The following C10orf143 variants were observed in gnomAD, a reference collection of about 807,000 sequenced individuals.
C10orf143 encodes uncharacterized protein C10orf143.
At chr10:130,107,576 G>A in intron 1 of C10orf143, 1 of 1,347,460 alleles carries the variant, frequency 7.4e-7, no homozygotes, top group South Asian at 1.2e-5. Context: ...TACAGCATTT[G>A]GCAGAGAGCA....
intron 1 of C10orf143, among the ~76,000 whole-genome samples, chr10:130,101,864 CCAAA>C (rs1861559491): frequency 4.1e-5 from 1 of 24,186 alleles, no homozygotes; most frequent in African/African-American, 1.7e-4. Flanking sequence ...AAAAAAAAAA[CCAAA>C]AAAAAAAAAA....
intron 1 of C10orf143, among the ~76,000 whole-genome samples, chr10:130,102,618 A>G (rs1554950126): frequency 6.6e-6 from 1 of 152,166 alleles, no homozygotes; most frequent in Admixed American, 6.5e-5. Context: ...TTTTCTTCAT[A>G]TATCTATCAA....
At chr10:130,038,013 T>A (rs1860564699) in intron 3 of C10orf143, among the ~76,000 whole-genome samples, 1 of 152,230 alleles carries the variant, frequency 6.6e-6, no homozygotes, top group Non-Finnish European at 1.5e-5. Context: ...AGAGACCGTC[T>A]GGAGAGGGGC....
chr10:130,074,624 A>C (rs191370995), intron 3 of C10orf143, among the ~76,000 whole-genome samples: 26 of 152,322 alleles, frequency 1.7e-4, no homozygotes, highest in African/African-American at 5.8e-4. Context: ...AGAGGAGGGC[A>C]GAGATCACTG....
In C10orf143 at chr10:130,050,026, C is replaced by T. The variant is rs538558871; in HGVS notation, c.298-14056G>A. 1.4e-4 allele frequency among the ~76,000 whole-genome samples: 22 copies of T among 152,282 alleles called. No individual in the cohort carries two copies. The South Asian group carries it at 3.9e-3, about 27-fold the overall frequency. ...CAAGTGTTCTGTGTTTTCAGGGCCT[C>T]GACAGTGTGCATGGATAGCTTTTAT... On this transcript the variant is annotated intron_variant and NMD_transcript_variant, in intron 3 of 5. Coordinates refer to the C10orf143 transcript ENST00000643056.
intron 1 of C10orf143, among the ~76,000 whole-genome samples, chr10:130,081,464 C>T (rs1861206913): frequency 6.6e-6 from 1 of 152,038 alleles, no homozygotes; most frequent in Non-Finnish European, 1.5e-5. Flanking sequence ...CATAATCAAC[C>T]AAGGTTGACC....
chr10:130,095,607 G>A (rs1861450154), intron 1 of C10orf143, among the ~76,000 whole-genome samples: 1 of 152,102 alleles, frequency 6.6e-6, no homozygotes, highest in African/African-American at 2.4e-5. Context: ...CAGACCAATG[G>A]AACAGAACAG....
At chr10:130,045,584 C>T (rs2134726567) in intron 3 of C10orf143, among the ~76,000 whole-genome samples, 1 of 152,298 alleles carries the variant, frequency 6.6e-6, no homozygotes, top group Admixed American at 6.5e-5. Flanking sequence ...ACCTTCGTTC[C>T]GGGAACGTTT....
intron 1 of C10orf143, among the ~76,000 whole-genome samples, chr10:130,085,992 C>T (rs1861285478): frequency 6.6e-6 from 1 of 152,208 alleles, no homozygotes; most frequent in African/African-American, 2.4e-5. Context: ...CCAAATATCC[C>T]TAGTCTCTCT....
At chr10:130,077,043 G>A (rs1188073004) in intron 3 of C10orf143, among the ~76,000 whole-genome samples, 2 of 152,030 alleles carry the variant, frequency 1.3e-5, no homozygotes, top group Non-Finnish European at 2.9e-5. Context: ...ACGAGGTGAC[G>A]GTCCTAAATA....
intron 1 of C10orf143, chr10:130,106,599 C>T: frequency 6.7e-7 from 1 of 1,492,078 alleles, no homozygotes; most frequent in Non-Finnish European, 9.3e-7. Flanking sequence ...TCCCTCAAAT[C>T]ACAAGTAGCT....
intron 3 of C10orf143, 146 bp from the exon 4 acceptor site, chr10:130,064,529 T>C (rs192701214): frequency 0.017 from 6,430 of 377,846 alleles, 141 homozygotes; most frequent in Non-Finnish European, 0.019. Flanking sequence ...GGTATCTGTT[T>C]ATAGATATAT....
intron 1 of C10orf143, chr10:130,107,282 T>C (rs369392243): frequency 1.7e-6 from 2 of 1,154,224 alleles, no homozygotes; most frequent in East Asian, 2.3e-5. Context: ...AGAGAAACTT[T>C]CTAAGGTAGA....
intron 1 of C10orf143, among the ~76,000 whole-genome samples, chr10:130,084,667 CACACACAT>C (rs1036302727): frequency 2.3e-4 from 35 of 152,166 alleles, no homozygotes; most frequent in Admixed American, 3.9e-4. Flanking sequence ...CACACACACA[CACACACAT>C]ACATATATAT....
chr10:130,077,762 T>C (rs1861142064), intron 3 of C10orf143, among the ~76,000 whole-genome samples: 1 of 152,262 alleles, frequency 6.6e-6, no homozygotes, highest in Non-Finnish European at 1.5e-5. Context: ...TAGTGTCTTA[T>C]TATTTTAAAA....
In C10orf143 at chr10:130,106,208, G is replaced by A. The variant is rs770651938; in HGVS notation, c.69+4496C>T. The stretch of plus-strand genomic sequence containing the variant: ...TGCAGCTGTTGCTGCATTTTTTGCT[G>A]TTCTCCTTTTTCTGTGGAGAAGTTT... On this transcript the variant is annotated intron_variant, in intron 1 of 3. Transcript: ENST00000637128. 11 of 1,171,024 alleles carry A rather than the reference G, an allele frequency of 9.4e-6. No individual in the cohort carries two copies. In the South Asian group the frequency reaches 1.2e-4, roughly 13 times the overall value. The allele number at this position is 1,171,024 out of a possible 1,614,324, so 72.5% of individuals were successfully genotyped here.
In C10orf143 at chr10:130,064,195, G is replaced by C; in HGVS notation, c.*159C>G. The C allele has an allele frequency of 2.5e-6, 1 of 392,580 alleles. No individual in the cohort carries two copies. Among genetic ancestry groups the C allele is most frequent in the Non-Finnish European group, 4.5e-6 (1 of 222,888 alleles). 24.3% of individuals were successfully genotyped at this position (392,580 alleles called of 1,614,324 possible). ...CGTGCAGAGGATGGTGGATTTACTA[G>C]AATGAAAGGACAGACAAACCTCCCC... On this transcript the variant is annotated 3_prime_UTR_variant, in exon 4 of 4. Coordinates refer to ENST00000637128, the MANE Select transcript of C10orf143 (RefSeq NM_001355042.2).
At chr10:130,074,744 G>A (rs1222375094) in intron 3 of C10orf143, among the ~76,000 whole-genome samples, 2 of 152,086 alleles carry the variant, frequency 1.3e-5, no homozygotes, top group African/African-American at 4.8e-5. Flanking sequence ...ATACTTTAAA[G>A]GTAACCCATT....
intron 3 of C10orf143, among the ~76,000 whole-genome samples, chr10:130,076,874 T>C (rs1207475861): frequency 6.6e-6 from 1 of 152,140 alleles, no homozygotes; most frequent in Non-Finnish European, 1.5e-5. Flanking sequence ...CTCCTAGCCA[T>C]GGCGATCATC....
Sources: gnomAD v4.1 joint callset for allele counts (sites outside exome capture counted in the v4.1 genomes callset) on GRCh38, gnomAD v4.1.1 for gene constraint, MANE v1.5 for transcripts, NCBI Gene and HGNC (gene_info 2026-07-23, HGNC 2026-07-21) for gene names.